MORC3: variants seen among roughly 807,000 people sequenced by gnomAD.
MORC3 encodes MORC family CW-type zinc finger protein 3.
A neutral mutation model predicts 109.1 loss-of-function variants in MORC3; 31 were observed. That is an observed-to-expected ratio of 0.28 (90% confidence interval 0.21 to 0.38). The LOEUF is 0.38. Among genes scored for constraint, MORC3 ranks in the 10% least tolerant of loss-of-function variants. The probability of loss-of-function intolerance (pLI) is 1.00; values close to 1 mark genes in which losing one functional copy is unlikely to be tolerated. For synonymous variants in MORC3, 395 were observed against 380.7 expected, an observed-to-expected ratio of 1.04 and a Z score of -0.44; for missense variants, 867 against 1,135.8, an observed-to-expected ratio of 0.76 and a Z score of 3.40.
At position 36,320,626 on chromosome 21, in the gene MORC3, C is replaced by T. The variant is rs139775037; in HGVS notation, c.39+323C>T. The T allele has an allele frequency of 1.1e-5, 3 of 267,702 alleles. No homozygotes were observed. The East Asian group carries it at 2.0e-4, about 18-fold the overall frequency. 16.6% of individuals were successfully genotyped at this position (267,702 alleles called of 1,614,324 possible). On this transcript the variant is annotated intron_variant, in intron 1 of 16. Coordinates refer to ENST00000400485, the MANE Select transcript of MORC3 (RefSeq NM_015358.3). ...CCTCGGCGGGAGATCGGTCTGCTCTCGGGGCCGCGGGGCCCCTGACCCTCT... is the reference window on the plus strand; with the variant it reads ...CCTCGGCGGGAGATCGGTCTGCTCTTGGGGCCGCGGGGCCCCTGACCCTCT...
chr21:36,335,023 G>A (rs1245100902), intron 2 of MORC3, among the ~76,000 whole-genome samples: 2 of 151,980 alleles, frequency 1.3e-5, no homozygotes, highest in African/African-American at 4.8e-5. Context: ...CTAGTGACTC[G>A]GGAGTCTGAG....
chr21:36,337,503 C>T (rs964356951), intron 3 of MORC3, among the ~76,000 whole-genome samples: 3 of 151,910 alleles, frequency 2.0e-5, no homozygotes, highest in South Asian at 2.1e-4. Flanking sequence ...TGGGAAAACA[C>T]GTCAAGATAG....
At chr21:36,365,191 G>T (rs2085766532) in intron 14 of MORC3, among the ~76,000 whole-genome samples, 1 of 152,142 alleles carries the variant, frequency 6.6e-6, no homozygotes. Flanking sequence ...CAAAGAGAAA[G>T]TGATGCATGA....
Position 36,375,182 on chromosome 21 carries a change from G to C in MORC3, c.2706G>C (p.Leu902=). The part of the protein sequence containing the change: ...LRSLRVNVGQ[L]LAMIVPDLDL... ...CTCTTCGAGTTAACGTAGGACAACT[G>C]CTGGCTATGATTGTGCCTGATCTTG... is the stretch of plus-strand genomic sequence containing the variant. Residue 902 remains leucine, a synonymous_variant, in exon 17 of 17, where the codon CTG becomes CTC. Transcript: ENST00000400485. The C allele has an allele frequency of 6.2e-7, 1 of 1,613,838 alleles. No homozygotes were observed. The highest frequency in any genetic ancestry group is 1.1e-5 in the South Asian group (1 of 91,004).
In MORC3 at chr21:36,369,623, C is replaced by A. The variant is rs766404739; in HGVS notation, c.2255C>A (p.Ala752Asp). Residue 752 changes from alanine (A) to aspartate (D), a missense_variant, in exon 15 of 17, where the codon GCT becomes GAT. Coordinates refer to ENST00000400485, the MANE Select transcript of MORC3 (RefSeq NM_015358.3). The part of the protein sequence containing the change: ...ETCHQSTETD[A>D]VFLLESINGK... ...TGCCATCAGTCCACTGAAACCGATGCTGTATTTTTACTTGAAAGTATTAAT... is the reference window on the plus strand; with the variant it reads ...TGCCATCAGTCCACTGAAACCGATGATGTATTTTTACTTGAAAGTATTAAT... 1 of 1,614,178 alleles carries A rather than the reference C, an allele frequency of 6.2e-7. No individual in the cohort carries two copies. Among genetic ancestry groups the A allele is most frequent in the South Asian group, 1.1e-5 (1 of 91,084 alleles).
intron 9 of MORC3, among the ~76,000 whole-genome samples, chr21:36,354,535 C>T (rs533666410): frequency 5.0e-4 from 76 of 152,112 alleles, no homozygotes; most frequent in African/African-American, 1.7e-3. Flanking sequence ...GAACTCCTGA[C>T]CTTGTGATCC....
chr21:36,339,490 C>A (rs1383689783), intron 5 of MORC3: 2 of 139,882 alleles, frequency 1.4e-5, no homozygotes, highest in Non-Finnish European at 3.0e-5. Flanking sequence ...ATTTATTCCA[C>A]CCCGTCTTCT....
rs555686268 is a variant in MORC3, at chr21:36,328,713, G to T, written c.40-4933G>T. ...GCTGGTCTTGTACTCCTGACCTCTG[G>T]TGATCCACTTGCCTCAGCCTCCCAA... On this transcript the variant is annotated intron_variant, in intron 1 of 16. Coordinates refer to ENST00000400485, the MANE Select transcript of MORC3 (RefSeq NM_015358.3). Among the ~76,000 whole-genome samples the T allele has an allele frequency of 2.0e-5, 3 of 151,792 alleles. No homozygotes were observed. The South Asian group carries it at 6.2e-4, about 32-fold the overall frequency.
intron 5 of MORC3, among the ~76,000 whole-genome samples, chr21:36,340,476 A>G (rs994156384): frequency 6.6e-6 from 1 of 151,742 alleles, no homozygotes; most frequent in African/African-American, 2.4e-5. Flanking sequence ...TATTTCTATA[A>G]TTTTGCCATT....
rs185218164 is a variant in MORC3, at chr21:36,334,179, C to T, written c.112+461C>T. Among the ~76,000 whole-genome samples the T allele has an allele frequency of 3.9e-5, 6 of 151,982 alleles. No individual in the cohort carries two copies. The East Asian group carries it at 5.8e-4, about 15-fold the overall frequency. On this transcript the variant is annotated intron_variant, in intron 2 of 16. Transcript: ENST00000400485. The stretch of plus-strand genomic sequence containing the variant: ...CTGAGGTGGGAGGATCACGTGAGAC[C>T]GGGAAGTTGAGGCTGCAATGAGCCG...
At chr21:36,349,843 G>A (rs2085551190) in intron 9 of MORC3, among the ~76,000 whole-genome samples, 1 of 152,224 alleles carries the variant, frequency 6.6e-6, no homozygotes, top group South Asian at 2.1e-4. Context: ...TGTAGAGGGA[G>A]CCTTATGTTG....
chr21:36,375,391 A>G lies in MORC3; in HGVS notation c.*95A>G, dbSNP rs2085918910. 1 of 1,134,798 alleles carries G rather than the reference A, an allele frequency of 8.8e-7. No individual in the cohort carries two copies. Among genetic ancestry groups the G allele is most frequent in the South Asian group, 1.6e-5 (1 of 62,316 alleles). The allele number at this position is 1,134,798 out of a possible 1,614,324, so 70.3% of individuals were successfully genotyped here. A position where few individuals can be genotyped will look rare whatever the true frequency, so the allele number is the denominator to read the frequency against. On this transcript the variant is annotated 3_prime_UTR_variant, in exon 17 of 17. Transcript: ENST00000400485. ...TTTTGTTTTATAGATATGATAGGCA[A>G]CAGACTGAAAACCATAATCTTTACT...
chr21:36,357,122 T>A, intron 10 of MORC3, among the ~76,000 whole-genome samples: 1 of 152,228 alleles, frequency 6.6e-6, no homozygotes, highest in South Asian at 2.1e-4. Flanking sequence ...GCCTCCATTT[T>A]CTTGTGTATA....
chr21:36,346,681 A>T (rs1158570461), intron 8 of MORC3, among the ~76,000 whole-genome samples: 7 of 151,804 alleles, frequency 4.6e-5, no homozygotes. Context: ...CTGGTGGTGC[A>T]TGCCTGTGGT....
intron 9 of MORC3, among the ~76,000 whole-genome samples, chr21:36,350,854 A>G (rs1309311534): frequency 6.6e-6 from 1 of 152,114 alleles, no homozygotes; most frequent in Non-Finnish European, 1.5e-5. Flanking sequence ...AACTATTTAA[A>G]ACAATACATA....
intron 8 of MORC3, among the ~76,000 whole-genome samples, chr21:36,345,745 C>T (rs1258597081): frequency 1.3e-5 from 2 of 152,078 alleles, no homozygotes; most frequent in Non-Finnish European, 1.5e-5. Flanking sequence ...TTAGTAGAGA[C>T]GAGGTTTCAC....
Position 36,320,277 on chromosome 21 carries a change from C to CT in MORC3, c.13_14insT (p.Pro5LeufsTer21). 6.3e-7 allele frequency: 1 copy of CT among 1,579,662 alleles called. No homozygotes were observed. Among genetic ancestry groups the CT allele is most frequent in the Non-Finnish European group, 8.6e-7 (1 of 1,164,630 alleles). ...TAGCTCGCTCAAGATGGCGGCGCAG[C>CT]CACCCCGCGGGATACGCCTCAGCGC... On this transcript the variant is annotated frameshift_variant, in exon 1 of 17. Transcript: ENST00000400485. LOFTEE classifies it high-confidence loss of function.
chr21:36,350,286 GAC>G (rs1341711886), intron 9 of MORC3, among the ~76,000 whole-genome samples: 16 of 151,980 alleles, frequency 1.1e-4, no homozygotes, highest in Non-Finnish European at 2.4e-4. Context: ...CCAACCCGAT[GAC>G]AGAGTGAGAT....
chr21:36,360,004 C>T lies in MORC3; in HGVS notation c.1258C>T (p.Arg420Trp). Residue 420 changes from arginine to tryptophan, a missense_variant, in exon 11 of 17, where the codon CGG (arginine) becomes TGG (tryptophan). Arg to Trp is a moderately radical substitution (Grantham distance 101, BLOSUM62 -3). Around this residue, in one of 7 missense-constraint regions of MORC3, gnomAD observed 120 missense variants for 259.7 expected, o/e 0.46. Transcript: ENST00000400485. The stretch of plus-strand genomic sequence containing the variant: ...TCAGTGTGATGCCTGTCTAAAGTGG[C>T]GGAAATTACCTGATGGGATGGATCA... Reference protein sequence around the residue: ...WVQCDACLKWRKLPDGMDQLP... With the variant: ...WVQCDACLKWWKLPDGMDQLP... 2 of 1,614,062 alleles carry T rather than the reference C, an allele frequency of 1.2e-6. No individual in the cohort carries two copies. Among genetic ancestry groups the T allele is most frequent in the East Asian group, 2.2e-5 (1 of 44,882 alleles).
Sources: gnomAD v4.1 joint callset for allele counts (sites outside exome capture counted in the v4.1 genomes callset) on GRCh38, gnomAD v4.1.1 for gene constraint, gnomAD v4.1.1 regional missense constraint, MANE v1.5 for transcripts, NCBI Gene and HGNC (gene_info 2026-07-23, HGNC 2026-07-21) for gene names.